The following CNTNAP2 variants were observed in gnomAD, a reference collection of about 807,000 sequenced individuals.
CNTNAP2 encodes the protein contactin associated protein 2.
In CNTNAP2, 98 loss-of-function variants were observed where a neutral mutation model predicts 155.2. The ratio of observed to expected loss-of-function variants is 0.63; its 90% CI spans 0.54 to 0.75. The LOEUF (loss-of-function observed/expected upper bound fraction) is 0.75, where lower values mean the gene tolerates loss of function less well. Among genes scored for constraint, CNTNAP2 ranks in the 30% least tolerant of loss-of-function variants. The probability of loss-of-function intolerance (pLI) is 0.00; values close to 1 mark genes in which losing one functional copy is unlikely to be tolerated. For synonymous variants in CNTNAP2, 651 were observed against 631.2 expected, an observed-to-expected ratio of 1.03 and a Z score of -0.47; for missense variants, 1,727 against 1,688.1, an observed-to-expected ratio of 1.02 and a Z score of -0.40.
intron 13 of CNTNAP2, among the ~76,000 whole-genome samples, chr7:147,870,389 TG>T (rs1799306221): frequency 6.6e-6 from 1 of 152,142 alleles, no homozygotes; most frequent in Admixed American, 6.5e-5. Context: ...CTTGCAGAAA[TG>T]GGCCTGCCTG....
intron 1 of CNTNAP2, among the ~76,000 whole-genome samples, chr7:146,428,338 T>C (rs189579816): frequency 1.3e-5 from 2 of 152,318 alleles, no homozygotes; most frequent in African/African-American, 2.4e-5. Context: ...TCCACAACGG[T>C]TGAACTAATT....
intron 1 of CNTNAP2, among the ~76,000 whole-genome samples, chr7:146,171,764 A>C (rs1308010685): frequency 6.6e-6 from 1 of 152,124 alleles, no homozygotes; most frequent in Non-Finnish European, 1.5e-5. Context: ...AAATTTAATA[A>C]ACTTTTAAAA....
At chr7:146,499,459 T>C (rs700284) in intron 1 of CNTNAP2, among the ~76,000 whole-genome samples, 17,368 of 152,200 alleles carry the variant, frequency 0.11, 2,756 homozygotes, top group African/African-American at 0.36. Flanking sequence ...TTTATTATTG[T>C]AATTTGGTAG....
At chr7:147,527,572 C>T (rs1799350706) in intron 11 of CNTNAP2, among the ~76,000 whole-genome samples, 1 of 152,194 alleles carries the variant, frequency 6.6e-6, no homozygotes, top group Non-Finnish European at 1.5e-5. Flanking sequence ...TATTCTGAAA[C>T]TCTTGTCAAA....
At chr7:147,022,650 T>C (rs1398892869) in intron 3 of CNTNAP2, among the ~76,000 whole-genome samples, 2 of 151,578 alleles carry the variant, frequency 1.3e-5, no homozygotes, top group African/African-American at 4.8e-5. Context: ...AAATAAGATC[T>C]CTGGAGAAAA....
At chr7:148,035,677 G>C (rs1802560298) in intron 15 of CNTNAP2, among the ~76,000 whole-genome samples, 1 of 152,196 alleles carries the variant, frequency 6.6e-6, no homozygotes. Flanking sequence ...AGTCATAGCA[G>C]ATTTCCCACT....
At chr7:146,475,826 C>T (rs578089551) in intron 1 of CNTNAP2, among the ~76,000 whole-genome samples, 10 of 151,974 alleles carry the variant, frequency 6.6e-5, no homozygotes, top group Non-Finnish European at 7.4e-5. Flanking sequence ...ATATTTTTGG[C>T]CAGGGAGTTG....
chr7:148,282,533 T>C (rs1403314364), intron 21 of CNTNAP2, among the ~76,000 whole-genome samples: 1 of 152,206 alleles, frequency 6.6e-6, no homozygotes, highest in Non-Finnish European at 1.5e-5. Context: ...TGGCACACAG[T>C]GAGTGTCCAG....
chr7:146,504,950 C>G (rs1797360770), intron 1 of CNTNAP2, among the ~76,000 whole-genome samples: 1 of 152,100 alleles, frequency 6.6e-6, no homozygotes, highest in South Asian at 2.1e-4. Flanking sequence ...AGACAACCAC[C>G]CCACGGTGAC....
intron 1 of CNTNAP2, among the ~76,000 whole-genome samples, chr7:146,582,373 G>T (rs1233526991): frequency 6.6e-6 from 1 of 152,106 alleles, no homozygotes; most frequent in Non-Finnish European, 1.5e-5. Context: ...AGTTAAAATA[G>T]AGGTTATATC....
intron 12 of CNTNAP2, chr7:147,638,852 T>C (rs1795226705): frequency 4.9e-6 from 3 of 612,252 alleles, no homozygotes; most frequent in Admixed American, 5.3e-5. Context: ...TTTTTTTTTT[T>C]TTCTTTTTTT....
At chr7:147,007,510 ATTATAG>A (rs1391358158) in intron 3 of CNTNAP2, among the ~76,000 whole-genome samples, 1 of 152,080 alleles carries the variant, frequency 6.6e-6, no homozygotes, top group Non-Finnish European at 1.5e-5. Context: ...CTTTTGTATA[ATTATAG>A]TTATATTATT....
chr7:147,972,420 G>T (rs1801349350), intron 14 of CNTNAP2, among the ~76,000 whole-genome samples: 1 of 151,958 alleles, frequency 6.6e-6, no homozygotes, highest in Admixed American at 6.6e-5. Flanking sequence ...TTTTCTTTAG[G>T]GCTTCATTTT....
At chr7:146,453,765 T>C (rs1001263999) in intron 1 of CNTNAP2, among the ~76,000 whole-genome samples, 6 of 152,128 alleles carry the variant, frequency 3.9e-5, no homozygotes, top group African/African-American at 1.4e-4. Context: ...CTTCTAGAGA[T>C]TATAAAATGC....
intron 1 of CNTNAP2, among the ~76,000 whole-genome samples, chr7:146,442,462 G>A (rs1639450): frequency 0.036 from 5,413 of 152,124 alleles, 342 homozygotes; most frequent in African/African-American, 0.12. Context: ...GTGCGCATGT[G>A]TGTGTGTATG....
intron 8 of CNTNAP2, among the ~76,000 whole-genome samples, chr7:147,142,419 G>A (rs1189827929): frequency 2.0e-5 from 3 of 152,182 alleles, no homozygotes; most frequent in Non-Finnish European, 2.9e-5. Flanking sequence ...TCCCAGGGAT[G>A]AAGCCCACTT....
At chr7:147,316,862 T>C (rs548017192) in intron 9 of CNTNAP2, among the ~76,000 whole-genome samples, 3 of 152,286 alleles carry the variant, frequency 2.0e-5, no homozygotes, top group South Asian at 2.1e-4. Flanking sequence ...TTGAATAATA[T>C]TAAATGGTAT....
rs551126437 is a variant in CNTNAP2, at chr7:146,965,119, G to A, written c.403-78788G>A. 2.6e-3 allele frequency among the ~76,000 whole-genome samples: 402 copies of A among 152,204 alleles called. 4 individuals are homozygous for A. Among genetic ancestry groups the A allele is most frequent in the African/African-American group, 8.4e-3 (348 of 41,520 alleles). ...TGCATGATAAGAGTCATGTAAGAAC[G>A]GCAGGAAGGTGGGGTCCATGTGTAC... On this transcript the variant is annotated intron_variant, in intron 3 of 23. Transcript: ENST00000361727.
intron 1 of CNTNAP2, among the ~76,000 whole-genome samples, chr7:146,380,622 A>G (rs1458432571): frequency 6.6e-6 from 1 of 151,988 alleles, no homozygotes; most frequent in East Asian, 1.9e-4. Context: ...ATATTTTTTC[A>G]GTTATTTGTT....
Sources: gnomAD v4.1 joint callset for allele counts (sites outside exome capture counted in the v4.1 genomes callset) on GRCh38, gnomAD v4.1.1 for gene constraint, MANE v1.5 for transcripts, NCBI Gene and HGNC (gene_info 2026-07-23, HGNC 2026-07-21) for gene names.